Variants in KLHL29 observed in about 807,000 individuals in gnomAD.
KLHL29 encodes kelch like family member 29, also known as kelch-like protein 29.
KLHL29 carries 21 observed loss-of-function variants against 80.4 expected under a neutral mutation model. That is an observed-to-expected ratio of 0.26 (90% CI 0.19 to 0.38). KLHL29 has a LOEUF of 0.38. Ranked by LOEUF, KLHL29 falls within the 10% of genes least tolerant of loss-of-function variation. The probability of loss-of-function intolerance (pLI) is 1.00; values close to 1 mark genes in which losing one functional copy is unlikely to be tolerated. For synonymous variants in KLHL29, 511 were observed against 526.8 expected, an observed-to-expected ratio of 0.97 and a Z score of 0.41; for missense variants, 867 against 1,223.9, an observed-to-expected ratio of 0.71 and a Z score of 4.35.
Position 23,693,091 on chromosome 2 carries a change from CAGG to C in KLHL29, c.1283-175_1283-173del, listed in dbSNP as rs141906266. Among the ~76,000 whole-genome samples the C allele has an allele frequency of 5.6e-3, 860 of 152,278 alleles. 6 individuals are homozygous for C. The highest frequency in any genetic ancestry group is 0.02 in the African/African-American group (827 of 41,552). On this transcript the variant is annotated intron_variant, in intron 7 of 13. Coordinates refer to ENST00000486442, the MANE Select transcript of KLHL29 (RefSeq NM_052920.2). ...GCATGAAATGGGGTAGGGGAGAACC[CAGG>C]AGAAGGATCGAAGCCTCCAGACACC...
chr2:23,638,234 A>T (rs1213656346), intron 3 of KLHL29, among the ~76,000 whole-genome samples: 2 of 152,226 alleles, frequency 1.3e-5, no homozygotes, highest in African/African-American at 4.8e-5. Context: ...TTACATAGGG[A>T]GGCCATTTGT....
intron 3 of KLHL29, among the ~76,000 whole-genome samples, chr2:23,575,166 G>A (rs1210764179): frequency 2.6e-5 from 4 of 152,346 alleles, no homozygotes; most frequent in East Asian, 3.9e-4. Context: ...GGCGGGTCAG[G>A]CCCTTAAGAA....
chr2:23,658,651 G>C (rs1031959651), intron 5 of KLHL29, among the ~76,000 whole-genome samples: 28 of 152,214 alleles, frequency 1.8e-4, no homozygotes, highest in Non-Finnish European at 1.2e-4. Context: ...GTCAGGGGCC[G>C]CCGCTGCCAA....
chr2:23,693,561 C>T, intron 8 of KLHL29, 33 bp downstream of exon 8: 1 of 1,535,408 alleles, frequency 6.5e-7, no homozygotes, highest in South Asian at 1.2e-5. Context: ...CCCCTTCTCT[C>T]TGGGTTTGGG....
intron 3 of KLHL29, among the ~76,000 whole-genome samples, chr2:23,583,463 G>A (rs1359095389): frequency 1.3e-5 from 2 of 152,146 alleles, no homozygotes; most frequent in Non-Finnish European, 2.9e-5. Flanking sequence ...GCTTCCTAAT[G>A]ATCACCTGCC....
chr2:23,505,901 A>C (rs569143935), intron 2 of KLHL29, among the ~76,000 whole-genome samples: 1 of 152,136 alleles, frequency 6.6e-6, no homozygotes, highest in Admixed American at 6.5e-5. Flanking sequence ...GGAGCAACCA[A>C]AGGGCGTTGG....
chr2:23,404,880 A>G (rs1392312430), intron 1 of KLHL29, among the ~76,000 whole-genome samples: 1 of 152,226 alleles, frequency 6.6e-6, no homozygotes, highest in Non-Finnish European at 1.5e-5. Flanking sequence ...GACCCCATCC[A>G]TAACTTCCAT....
chr2:23,594,178 C>T (rs1172126881), intron 3 of KLHL29, among the ~76,000 whole-genome samples: 2 of 152,172 alleles, frequency 1.3e-5, no homozygotes, highest in Non-Finnish European at 2.9e-5. Flanking sequence ...CTGCCTGGCG[C>T]GTTGCCTTGT....
chr2:23,525,733 C>CCA (rs1553335083), intron 2 of KLHL29, among the ~76,000 whole-genome samples: 1 of 129,474 alleles, frequency 7.7e-6, no homozygotes, highest in Non-Finnish European at 1.6e-5. Context: ...CCTGCCCCCC[C>CCA]CCCCCACCCG....
intron 1 of KLHL29, among the ~76,000 whole-genome samples, chr2:23,430,093 C>G (rs1454469602): frequency 6.6e-6 from 1 of 152,164 alleles, no homozygotes; most frequent in Non-Finnish European, 1.5e-5. Flanking sequence ...TCTGGACCCT[C>G]TCTTCCTTCC....
chr2:23,401,735 C>T (rs1666603829), intron 1 of KLHL29, among the ~76,000 whole-genome samples: 2 of 152,196 alleles, frequency 1.3e-5, no homozygotes, highest in African/African-American at 4.8e-5. Flanking sequence ...TCTGCTGGTC[C>T]AAGGAGCCTC....
rs578141753 is a variant in KLHL29 at position 23,592,259 on chromosome 2, C to T, written c.285+29778C>T. Among the ~76,000 whole-genome samples the T allele has an allele frequency of 5.3e-5, 8 of 152,316 alleles. No individual in the cohort carries two copies. The South Asian group carries it at 1.7e-3, about 32-fold the overall frequency. Reference sequence around the variant, plus strand: ...GAAGCCCGGCCATCAGGCTGGTGACCCCGGCTCCAGGGCCCCATTAGTCCC... The same window carrying T: ...GAAGCCCGGCCATCAGGCTGGTGACTCCGGCTCCAGGGCCCCATTAGTCCC... On this transcript the variant is annotated intron_variant, in intron 3 of 13. Coordinates refer to ENST00000486442, the MANE Select transcript of KLHL29 (RefSeq NM_052920.2).
intron 1 of KLHL29, among the ~76,000 whole-genome samples, chr2:23,420,267 C>T (rs572153411): frequency 4.6e-5 from 7 of 152,216 alleles, no homozygotes; most frequent in Non-Finnish European, 1.0e-4. Context: ...TGTGGCCGTC[C>T]CTCGAAGCCC....
intron 6 of KLHL29, chr2:23,691,465 A>G (rs759938098): frequency 1.7e-5 from 10 of 597,344 alleles, no homozygotes; most frequent in Admixed American, 1.2e-4. Flanking sequence ...AGTGATAAGC[A>G]GGGTTTTCTG....
intron 1 of KLHL29, among the ~76,000 whole-genome samples, chr2:23,474,696 C>T (rs1460601161): frequency 6.6e-6 from 1 of 152,072 alleles, no homozygotes; most frequent in African/African-American, 2.4e-5. Flanking sequence ...GGGAAGCTGA[C>T]CATAAGGCAG....
chr2:23,694,080 A>G (rs1558445011), intron 8 of KLHL29, among the ~76,000 whole-genome samples: 1 of 152,216 alleles, frequency 6.6e-6, no homozygotes, highest in Non-Finnish European at 1.5e-5. Flanking sequence ...AGTGACAGCC[A>G]CAAGTCCCTA....
chr2:23,464,815 A>C (rs377070360), intron 1 of KLHL29, among the ~76,000 whole-genome samples: 2 of 152,132 alleles, frequency 1.3e-5, no homozygotes, highest in Non-Finnish European at 2.9e-5. Flanking sequence ...TGATGGGTGT[A>C]ATTTATTTTT....
chr2:23,696,285 G>GC lies in KLHL29; in HGVS notation c.1925-44dup. ...CTGGGGCTGGGCCTGCTGACCCCAG[G>GC]CCCCTCCTCACCCCGCCCGCTCTCT... On this transcript the variant is annotated intron_variant, in intron 10 of 13. Transcript: ENST00000486442. The surrounding 1 kb of genome is among the most constrained non-coding windows in gnomAD (Gnocchi z 5.5). 6.5e-7 allele frequency: 1 copy of GC among 1,534,330 alleles called. No individual in the cohort carries two copies. The highest frequency in any genetic ancestry group is 8.8e-7 in the Non-Finnish European group (1 of 1,133,140).
In KLHL29 at chr2:23,586,031, G is replaced by C. The variant is rs567216838; in HGVS notation, c.285+23550G>C. ...CCTAGCCTGGAGCCAGGACTATGCA[G>C]AACGAGAGCACACAGAAGGCCTCTG... On this transcript the variant is annotated intron_variant, in intron 3 of 13. Transcript: ENST00000486442. Among the ~76,000 whole-genome samples, 3 of 152,240 alleles carry C rather than the reference G, an allele frequency of 2.0e-5. No individual in the cohort carries two copies. In the East Asian group the frequency reaches 5.8e-4, roughly 29 times the overall value.
Sources: allele counts gnomAD v4.1 joint callset (sites outside exome capture counted in the v4.1 genomes callset), GRCh38; gene constraint gnomAD v4.1.1; non-coding constraint Gnocchi (gnomAD v3.1); transcripts MANE v1.5; gene names NCBI Gene and HGNC (gene_info 2026-07-23, HGNC 2026-07-21).